ISY1: variants seen among roughly 807,000 people sequenced by gnomAD.
The protein encoded by ISY1 is pre-mRNA-splicing factor ISY1 homolog.
ISY1 carries 12 observed loss-of-function variants against 54.4 expected under a neutral mutation model. The ratio of observed to expected loss-of-function variants is 0.22; its 90% confidence interval spans 0.14 to 0.36. ISY1 has a LOEUF of 0.36. ISY1 is among the 10% of genes least tolerant of loss of function. ISY1 has a pLI of 1.00. For synonymous variants in ISY1, 96 were observed against 117.9 expected (o/e 0.81, Z 1.20); for missense variants, 282 against 342.2 (o/e 0.82, Z 1.39).
intron 5 of ISY1, among the ~76,000 whole-genome samples, chr3:129,151,216 G>C (rs1420744777): frequency 6.7e-6 from 1 of 148,172 alleles, no homozygotes; most frequent in Non-Finnish European, 1.5e-5. Context: ...TATATATGGG[G>C]TGTGTGTGTA....
chr3:129,140,459 A>G lies in ISY1; in HGVS notation c.327T>C (p.His109=). The G allele has an allele frequency of 6.2e-7, 1 of 1,610,286 alleles. No homozygotes were observed. Among genetic ancestry groups the G allele is most frequent in the Non-Finnish European group, 8.5e-7 (1 of 1,179,160 alleles). Residue 109 remains histidine (H), a synonymous_variant, in exon 7 of 11, where the codon CAT becomes CAC. Coordinates refer to ENST00000393295, the MANE Select transcript of ISY1 (RefSeq NM_020701.4). ...GGTTTCCTGGGACTTCTTTTCCTTC[A>G]TGATCCAGCATTTTAGGGCCAACTT... ...YGKVGPKMLD[H]EGKEVPGNRG...
intron 3 of ISY1, among the ~76,000 whole-genome samples, chr3:129,158,231 G>C (rs1317547446): frequency 6.7e-6 from 1 of 148,390 alleles, no homozygotes; most frequent in African/African-American, 2.5e-5. Context: ...ATGGCTCCCT[G>C]CAGTGTAAGA....
In ISY1 at chr3:129,129,143, C is replaced by G. The variant is rs892927795; in HGVS notation, c.*938G>C. The G allele has an allele frequency of 3.3e-5, 5 of 152,236 alleles. No individual in the cohort carries two copies. The highest frequency in any genetic ancestry group is 1.5e-5 in the Non-Finnish European group (1 of 68,072). 9.4% of individuals were successfully genotyped at this position (152,236 alleles called of 1,614,324 possible). Reference sequence around the variant, plus strand: ...TCACATCCTAATGCCACTGTCACCTCAGAGCCGTTGGCCCAGGGAACAAGC... The same window carrying G: ...TCACATCCTAATGCCACTGTCACCTGAGAGCCGTTGGCCCAGGGAACAAGC... On this transcript the variant is annotated 3_prime_UTR_variant, in exon 11 of 11. Transcript: ENST00000393295.
intron 6 of ISY1, among the ~76,000 whole-genome samples, chr3:129,141,255 G>A (rs928088214): frequency 2.0e-5 from 3 of 148,740 alleles, no homozygotes; most frequent in Non-Finnish European, 3.0e-5. Context: ...GGCTGGGCAC[G>A]GTGGCTCACA....
chr3:129,141,549 C>T (rs1298683114), intron 6 of ISY1, among the ~76,000 whole-genome samples: 2 of 151,596 alleles, frequency 1.3e-5, no homozygotes, highest in South Asian at 2.1e-4. Flanking sequence ...GGTCAGGAGA[C>T]CGAGACCATC....
chr3:129,151,282 T>G (rs1256477400), intron 5 of ISY1, among the ~76,000 whole-genome samples: 1 of 151,714 alleles, frequency 6.6e-6, no homozygotes, highest in Non-Finnish European at 1.5e-5. Flanking sequence ...AATTCACTTA[T>G]CCATTTTAGA....
intron 5 of ISY1, among the ~76,000 whole-genome samples, chr3:129,152,855 A>G (rs1462430248): frequency 6.6e-6 from 1 of 152,158 alleles, no homozygotes; most frequent in African/African-American, 2.4e-5. Context: ...AATGAGTTAC[A>G]AAGTGTTCCC....
intron 5 of ISY1, among the ~76,000 whole-genome samples, chr3:129,153,462 G>C (rs1335038781): frequency 6.6e-6 from 1 of 152,156 alleles, no homozygotes; most frequent in Non-Finnish European, 1.5e-5. Flanking sequence ...CTATGTGCCA[G>C]TAGCACCCTT....
chr3:129,137,302 G>C (rs1480114948), intron 7 of ISY1: 1 of 709,908 alleles, frequency 1.4e-6, no homozygotes, highest in African/African-American at 1.9e-5. Context: ...GTAGAGGTAA[G>C]AGGACTTTAA....
In ISY1 at chr3:129,158,139, G is replaced by A. The variant is rs868612995; in HGVS notation, c.78+369C>T. ...CTCTCAAAGTGCTGGGATTACAGGC[G>A]TGAGTCACTGCACCCTACTTTTTTT... On this transcript the variant is annotated intron_variant, in intron 3 of 10. Coordinates refer to ENST00000393295, the MANE Select transcript of ISY1 (RefSeq NM_020701.4). Among the ~76,000 whole-genome samples, 47 of 149,594 alleles carry A rather than the reference G, an allele frequency of 3.1e-4. 1 individual carries two copies. The South Asian group carries it at 4.7e-3, about 15-fold the overall frequency.
At chr3:129,147,317 C>A (rs556053197) in intron 5 of ISY1, among the ~76,000 whole-genome samples, 138 of 152,036 alleles carry the variant, frequency 9.1e-4, no homozygotes, top group African/African-American at 3.0e-3. Flanking sequence ...GCAGAGGTTG[C>A]ACTGAGCCAA....
intron 6 of ISY1, among the ~76,000 whole-genome samples, chr3:129,145,092 G>A (rs1172638091): frequency 2.6e-5 from 4 of 152,038 alleles, no homozygotes; most frequent in Non-Finnish European, 4.4e-5. Context: ...TAAATATTTT[G>A]TAGATTCAGG....
At chr3:129,142,459 C>T (rs1178666192) in intron 6 of ISY1, among the ~76,000 whole-genome samples, 1 of 152,092 alleles carries the variant, frequency 6.6e-6, no homozygotes, top group Non-Finnish European at 1.5e-5. Flanking sequence ...TGTAACCTAC[C>T]TTTCAAGTGG....
At chr3:129,141,033 G>C (rs181507999) in intron 6 of ISY1, among the ~76,000 whole-genome samples, 1 of 151,124 alleles carries the variant, frequency 6.6e-6, no homozygotes, top group African/African-American at 2.4e-5. Flanking sequence ...GCAAAACCCT[G>C]TCTCTACTAA....
intron 3 of ISY1, among the ~76,000 whole-genome samples, chr3:129,157,844 TCTC>T: frequency 6.6e-6 from 1 of 151,526 alleles, no homozygotes; most frequent in East Asian, 1.9e-4. Flanking sequence ...GTGTACAGAC[TCTC>T]AAGAGCGTCA....
chr3:129,137,206 T>TA (rs1936434971), intron 7 of ISY1: 2 of 981,296 alleles, frequency 2.0e-6, no homozygotes, highest in Non-Finnish European at 1.2e-6. Context: ...CCTAAAAAAA[T>TA]AAAAAAATTT....
At chr3:129,160,402 CCAA>C (rs1937269139) in intron 1 of ISY1, among the ~76,000 whole-genome samples, 1 of 151,690 alleles carries the variant, frequency 6.6e-6, no homozygotes, top group Admixed American at 6.6e-5. Flanking sequence ...AATGAAGAAA[CCAA>C]CAAATGACGC....
chr3:129,150,332 C>T (rs1178166197), intron 5 of ISY1, among the ~76,000 whole-genome samples: 3 of 152,138 alleles, frequency 2.0e-5, no homozygotes, highest in African/African-American at 7.2e-5. Context: ...AGTGTATCTC[C>T]CCATTCATTC....
intron 6 of ISY1, chr3:129,144,133 C>T: frequency 2.3e-6 from 1 of 429,970 alleles, no homozygotes; most frequent in Non-Finnish European, 4.7e-6. Flanking sequence ...AAAATAAAAT[C>T]TCCACCACAC....
Sources: allele counts gnomAD v4.1 joint callset (sites outside exome capture counted in the v4.1 genomes callset), GRCh38; gene constraint gnomAD v4.1.1; transcripts MANE v1.5; gene names NCBI Gene and HGNC (gene_info 2026-07-23, HGNC 2026-07-21).